The following UBE3D variants were observed in gnomAD, a reference collection of about 807,000 sequenced individuals.
UBE3D encodes the protein ubiquitin protein ligase E3D, also known as E3 ubiquitin-protein ligase E3D.
In UBE3D, 48 loss-of-function variants were observed where a neutral mutation model predicts 49.6. The ratio of observed to expected loss-of-function variants is 0.97; its 90% CI spans 0.77 to 1.23. The LOEUF (loss-of-function observed/expected upper bound fraction) is 1.23. Ranked by LOEUF, UBE3D falls within the 50% of genes most tolerant of loss-of-function variation. UBE3D has a pLI of 0.00. For missense variants in UBE3D, 452 were observed against 468.4 expected (o/e 0.96, Z 0.32); for synonymous variants, 189 against 174.2 (o/e 1.08, Z -0.67).
intron 1 of UBE3D, among the ~76,000 whole-genome samples, chr6:83,061,105 C>G (rs1784142194): frequency 6.6e-6 from 1 of 152,250 alleles, no homozygotes; most frequent in East Asian, 1.9e-4. Context: ...TGACAGGAAG[C>G]CTCACTTCTG....
downstream of UBE3D, among the ~76,000 whole-genome samples, chr6:82,891,960 G>A (rs1460595081): frequency 3.3e-5 from 5 of 152,138 alleles, no homozygotes; most frequent in Non-Finnish European, 7.4e-5. Flanking sequence ...CCCAGAGGCG[G>A]AGCCTGCAGT....
chr6:83,039,530 C>T (rs1057508504), intron 4 of UBE3D, among the ~76,000 whole-genome samples: 9 of 152,210 alleles, frequency 5.9e-5, no homozygotes, highest in African/African-American at 2.2e-4. Context: ...GATGCTAAAG[C>T]TTCTGAACAC....
intron 1 of UBE3D, among the ~76,000 whole-genome samples, chr6:83,061,533 A>G (rs1450183620): frequency 6.6e-6 from 1 of 152,226 alleles, no homozygotes; most frequent in African/African-American, 2.4e-5. Context: ...CAGGTATCAC[A>G]ACTGCTTAAA....
rs149807033 is a variant in UBE3D, at chr6:83,026,553, G to A, written c.668-2515C>T. ...ACACAGAAAGGTAAAAAAAATAAAT[G>A]GTTTCATAGATTAATATATAGACAG... is the stretch of plus-strand genomic sequence containing the variant. On this transcript the variant is annotated intron_variant, in intron 5 of 9. Coordinates refer to ENST00000369747, the MANE Select transcript of UBE3D (RefSeq NM_198920.3). Among the ~76,000 whole-genome samples the A allele has an allele frequency of 9.7e-3, 1,474 of 151,944 alleles. 28 individuals carry two copies. Among genetic ancestry groups the A allele is most frequent in the African/African-American group, 0.034 (1,397 of 41,376 alleles).
At chr6:83,043,386 AACTT>A (rs1300621812) in intron 4 of UBE3D, among the ~76,000 whole-genome samples, 8 of 151,996 alleles carry the variant, frequency 5.3e-5, no homozygotes, top group Non-Finnish European at 1.0e-4. Context: ...AATATATATT[AACTT>A]ACTATTTACC....
At chr6:83,023,492 T>C (rs936711396) in intron 6 of UBE3D, among the ~76,000 whole-genome samples, 1 of 152,206 alleles carries the variant, frequency 6.6e-6, no homozygotes, top group Admixed American at 6.5e-5. Flanking sequence ...ATATGATCAA[T>C]TGTACTTCCT....
intron 3 of UBE3D, among the ~76,000 whole-genome samples, chr6:83,053,591 A>G (rs1783615710): frequency 6.6e-6 from 1 of 152,188 alleles, no homozygotes. Flanking sequence ...GAAAAAACCA[A>G]CAAAGAGTCC....
At chr6:82,965,386 C>T (rs1776840546) in intron 8 of UBE3D, among the ~76,000 whole-genome samples, 1 of 151,790 alleles carries the variant, frequency 6.6e-6, no homozygotes, top group African/African-American at 2.4e-5. Context: ...GAGTTCAAGA[C>T]CAGCCTGACC....
At chr6:82,978,746 T>C (rs766478716) in intron 8 of UBE3D, among the ~76,000 whole-genome samples, 4 of 152,128 alleles carry the variant, frequency 2.6e-5, no homozygotes, top group African/African-American at 9.7e-5. Flanking sequence ...ATTTTAAATA[T>C]ACAAAATACA....
At chr6:83,054,077 A>G in intron 3 of UBE3D, 71 bp downstream of exon 3, 1 of 1,375,728 alleles carries the variant, frequency 7.3e-7, no homozygotes, top group East Asian at 2.3e-5. Flanking sequence ...CAATTACTTG[A>G]AAAATTCTGA....
chr6:83,012,937 T>C (rs1027417475), intron 8 of UBE3D, among the ~76,000 whole-genome samples: 1 of 152,168 alleles, frequency 6.6e-6, no homozygotes, highest in African/African-American at 2.4e-5. Context: ...GAACCATTTG[T>C]GAACTAGGCC....
chr6:82,913,906 T>G (rs528561048), intron 9 of UBE3D, among the ~76,000 whole-genome samples: 2 of 152,280 alleles, frequency 1.3e-5, no homozygotes, highest in South Asian at 4.1e-4. Flanking sequence ...TAAAAATGAA[T>G]AAATGGATGC....
chr6:82,916,214 C>A (rs1268088436), intron 9 of UBE3D, among the ~76,000 whole-genome samples: 2 of 152,184 alleles, frequency 1.3e-5, no homozygotes, highest in African/African-American at 4.8e-5. Flanking sequence ...CCACACCTGT[C>A]CAATTTCTAG....
At chr6:83,017,704 T>C (rs1780790295) in intron 8 of UBE3D, 1 of 152,190 alleles carries the variant, frequency 6.6e-6, no homozygotes, top group South Asian at 2.1e-4. Context: ...AATACTTTGA[T>C]ATTACCTCTC....
chr6:82,897,892 G>C (rs1446542214), intron 9 of UBE3D, among the ~76,000 whole-genome samples: 1 of 152,084 alleles, frequency 6.6e-6, no homozygotes, highest in Non-Finnish European at 1.5e-5. Context: ...GAGTGAACAG[G>C]CATCCTATAG....
At chr6:83,053,326 G>A (rs1783594054) in intron 3 of UBE3D, among the ~76,000 whole-genome samples, 3 of 152,198 alleles carry the variant, frequency 2.0e-5, no homozygotes, top group South Asian at 4.1e-4. Flanking sequence ...TTTCAGACAG[G>A]AAGGATCCGT....
rs59755004 is a variant in UBE3D, at chr6:82,971,735, T to A, written c.1011-14285A>T. Among the ~76,000 whole-genome samples the A allele has an allele frequency of 1.0e-3, 159 of 152,306 alleles. 1 individual carries two copies. The highest frequency in any genetic ancestry group is 1.8e-3 in the Non-Finnish European group (124 of 68,028). ...TACCACACCTGGCCTCTATTTTTTT[T>A]AAATAGCTCTTGATGTCTTTTTTAA... On this transcript the variant is annotated intron_variant, in intron 8 of 9. Transcript: ENST00000369747.
chr6:83,056,357 T>C (rs1003535360), intron 2 of UBE3D, among the ~76,000 whole-genome samples: 4 of 152,170 alleles, frequency 2.6e-5, no homozygotes, highest in African/African-American at 7.2e-5. Flanking sequence ...GTGGTTACTC[T>C]TGTGAAAGAG....
chr6:82,909,758 C>T (rs1296926583), intron 9 of UBE3D, among the ~76,000 whole-genome samples: 2 of 152,130 alleles, frequency 1.3e-5, no homozygotes, highest in South Asian at 2.1e-4. Flanking sequence ...CTCTGGGATT[C>T]GAGGTCTATG....
Sources: gnomAD v4.1 joint callset for allele counts (sites outside exome capture counted in the v4.1 genomes callset) on GRCh38, gnomAD v4.1.1 for gene constraint, MANE v1.5 for transcripts, NCBI Gene and HGNC (gene_info 2026-07-23, HGNC 2026-07-21) for gene names.